Variants in WDR43 observed in about 807,000 individuals in gnomAD.
WDR43 encodes the protein WD repeat-containing protein 43.
A neutral mutation model predicts 91.4 loss-of-function variants in WDR43; 13 were observed. That is an observed-to-expected ratio of 0.14 (90% CI 0.09 to 0.23). The LOEUF (loss-of-function observed/expected upper bound fraction) is 0.23, where lower values mean the gene tolerates loss of function less well. Ranked by LOEUF, WDR43 falls within the 10% of genes least tolerant of loss-of-function variation. WDR43 has a pLI of 1.00. For synonymous variants in WDR43, 331 were observed against 287.9 expected, an observed-to-expected ratio of 1.15 and a Z score of -1.51; for missense variants, 780 against 809.4, an observed-to-expected ratio of 0.96 and a Z score of 0.44.
intron 5 of WDR43, among the ~76,000 whole-genome samples, chr2:28,916,278 G>A (rs1018158776): frequency 3.3e-5 from 5 of 152,206 alleles, no homozygotes; most frequent in Middle Eastern, 3.4e-3. Flanking sequence ...ATACCTAGGA[G>A]TGTAATGGCT....
chr2:28,909,237 C>T (rs1423188112), intron 3 of WDR43, among the ~76,000 whole-genome samples: 1 of 152,268 alleles, frequency 6.6e-6, no homozygotes, highest in African/African-American at 2.4e-5. Flanking sequence ...CTCCCGGAAT[C>T]AAGCGATTCT....
intron 3 of WDR43, among the ~76,000 whole-genome samples, chr2:28,908,315 G>C (rs1281421780): frequency 1.3e-5 from 2 of 152,156 alleles, no homozygotes; most frequent in East Asian, 3.8e-4. Flanking sequence ...TAGAGGCTTA[G>C]ATTTAAGTAG....
chr2:28,908,305 T>C (rs1670723825), intron 3 of WDR43, among the ~76,000 whole-genome samples: 1 of 152,184 alleles, frequency 6.6e-6, no homozygotes, highest in African/African-American at 2.4e-5. Flanking sequence ...AGGGTGGTGC[T>C]AGAGGCTTAG....
chr2:28,920,999 TTTTTC>T (rs1273528303), intron 6 of WDR43, among the ~76,000 whole-genome samples: 1 of 146,690 alleles, frequency 6.8e-6, no homozygotes, highest in Non-Finnish European at 1.6e-5. Context: ...TTACTTTCTC[TTTTTC>T]TGACTGAATT....
rs1051055685 is a variant in WDR43, at chr2:28,913,038, C to T, written c.606+328C>T. On this transcript the variant is annotated intron_variant, in intron 4 of 17. Coordinates refer to ENST00000407426, the MANE Select transcript of WDR43 (RefSeq NM_015131.3). The stretch of plus-strand genomic sequence containing the variant: ...CGTGATCTCGGCTCACTGCAAGCTC[C>T]GCCTCCCAGGTTCACCGCCATTCTC... Among the ~76,000 whole-genome samples, 8 of 150,514 alleles carry T rather than the reference C, an allele frequency of 5.3e-5. No individual in the cohort carries two copies. In the East Asian group the frequency reaches 1.2e-3, roughly 22 times the overall value.
intron 3 of WDR43, among the ~76,000 whole-genome samples, chr2:28,909,840 C>G (rs1670756396): frequency 6.6e-6 from 1 of 152,202 alleles, no homozygotes; most frequent in Non-Finnish European, 1.5e-5. Flanking sequence ...TGCCACTGCA[C>G]TCTGCCTGGG....
At position 28,911,066 on chromosome 2, in the gene WDR43, CT is replaced by C. The variant is rs113954166; in HGVS notation, c.486-1513del. Among the ~76,000 whole-genome samples the C allele has an allele frequency of 2.7e-3, 392 of 147,330 alleles. 3 individuals carry two copies. The highest frequency in any genetic ancestry group is 6.5e-3 in the African/African-American group (261 of 40,116). ...GAAGTTTTATGTAATTAAATCAGGT[CT>C]TTTTTTTTTTCTTTATAATTTCTGG... On this transcript the variant is annotated intron_variant, in intron 3 of 17. Coordinates refer to ENST00000407426, the MANE Select transcript of WDR43 (RefSeq NM_015131.3).
intron 1 of WDR43, among the ~76,000 whole-genome samples, chr2:28,896,201 A>T (rs547993335): frequency 7.9e-5 from 12 of 152,290 alleles, no homozygotes; most frequent in South Asian, 6.2e-4. Context: ...TGATAGTAAT[A>T]CTAATGCTGA....
At position 28,910,678 on chromosome 2, in the gene WDR43, AATAT is replaced by A. The variant is rs71403628; in HGVS notation, c.486-1898_486-1895del. Among the ~76,000 whole-genome samples the A allele has an allele frequency of 2.1e-4, 30 of 142,654 alleles. 1 individual carries two copies. The East Asian group carries it at 6.4e-3, about 31-fold the overall frequency. 93.6% of individuals were successfully genotyped at this position (142,654 alleles called of 152,430 possible). ...CAGATAACGTGCGTGTGTGTGTGTA[AATAT>A]ATATATATATATAATTATTATTTTT... On this transcript the variant is annotated intron_variant, in intron 3 of 17. Coordinates refer to ENST00000407426, the MANE Select transcript of WDR43 (RefSeq NM_015131.3).
intron 14 of WDR43, 114 bp downstream of exon 14, chr2:28,938,108 C>T (rs193242850): frequency 1.7e-5 from 18 of 1,074,536 alleles, no homozygotes; most frequent in Admixed American, 9.6e-5. Context: ...ATCCTTCAGC[C>T]GTTAGATGCT....
At chr2:28,895,956 G>A (rs1670473163) in intron 1 of WDR43, 2 of 152,148 alleles carry the variant, frequency 1.3e-5, no homozygotes, top group African/African-American at 4.8e-5. Flanking sequence ...AAATTTTTGG[G>A]TTGGGAAAAG....
chr2:28,910,474 G>A (rs1461658655), intron 3 of WDR43, among the ~76,000 whole-genome samples: 1 of 151,892 alleles, frequency 6.6e-6, no homozygotes, highest in African/African-American at 2.4e-5. Flanking sequence ...TGAATTTCGT[G>A]TTTATCAACA....
intron 5 of WDR43, among the ~76,000 whole-genome samples, chr2:28,914,981 T>G (rs1469334239): frequency 1.3e-5 from 2 of 152,024 alleles, no homozygotes; most frequent in Non-Finnish European, 2.9e-5. Context: ...TAAAGAAATT[T>G]CCTGGATTTT....
Position 28,946,922 on chromosome 2 carries a change from G to C in WDR43, c.*143G>C. On this transcript the variant is annotated 3_prime_UTR_variant, in exon 18 of 18. Coordinates refer to ENST00000407426, the MANE Select transcript of WDR43 (RefSeq NM_015131.3). The stretch of plus-strand genomic sequence containing the variant: ...GGATCCCATGCCACTTTGCTGTCCT[G>C]AGCACCCCAGACTTGACTGTGTAAA... 1 of 853,706 alleles carries C rather than the reference G, an allele frequency of 1.2e-6. No homozygotes were observed. The highest frequency in any genetic ancestry group is 1.8e-6 in the Non-Finnish European group (1 of 570,706). 52.9% of individuals were successfully genotyped at this position (853,706 alleles called of 1,614,324 possible).
At chr2:28,902,197 ACACTT>A in intron 2 of WDR43, 73 bp downstream of exon 2, 1 of 1,455,456 alleles carries the variant, frequency 6.9e-7, no homozygotes, top group Non-Finnish European at 9.2e-7. Context: ...TAAAAAAAAA[ACACTT>A]CAAGGTATGT....
chr2:28,927,222 C>G lies in WDR43; in HGVS notation c.1174-347C>G, dbSNP rs1354733657. The G allele has an allele frequency of 2.3e-5, 12 of 513,802 alleles. No individual in the cohort carries two copies. In the East Asian group the frequency reaches 5.3e-4, roughly 23 times the overall value. The allele number at this position is 513,802 out of a possible 1,614,324, so 31.8% of individuals were successfully genotyped here. On this transcript the variant is annotated intron_variant, in intron 9 of 17. Transcript: ENST00000407426. ...TTTAAATTTTTAAAAATCATTGTGT[C>G]TTTATGTAATCTGTAGTTTTTTAAA...
At chr2:28,917,102 G>A (rs1340229387) in intron 5 of WDR43, among the ~76,000 whole-genome samples, 1 of 152,090 alleles carries the variant, frequency 6.6e-6, no homozygotes, top group Non-Finnish European at 1.5e-5. Flanking sequence ...GCACAAAAAT[G>A]CAAAAAACAT....
At chr2:28,906,115 A>AT (rs762320506) in intron 2 of WDR43, among the ~76,000 whole-genome samples, 1 of 151,722 alleles carries the variant, frequency 6.6e-6, no homozygotes, top group Non-Finnish European at 1.5e-5. Context: ...TTCTTCTTAA[A>AT]TTTTTTTTTA....
At chr2:28,914,265 G>A (rs2148185423) in intron 5 of WDR43, 57 bp downstream of exon 5, 1 of 1,522,260 alleles carries the variant, frequency 6.6e-7, no homozygotes, top group East Asian at 2.3e-5. Context: ...CAGAGCTTAT[G>A]TAGTTAATGT....
Sources: allele counts gnomAD v4.1 joint callset (sites outside exome capture counted in the v4.1 genomes callset), GRCh38; gene constraint gnomAD v4.1.1; transcripts MANE v1.5; gene names NCBI Gene and HGNC (gene_info 2026-07-23, HGNC 2026-07-21).